The following SGK3 variants were observed in gnomAD, a reference collection of about 807,000 sequenced individuals.
The protein encoded by SGK3 is serum/glucocorticoid regulated kinase family member 3.
SGK3 carries 47 observed loss-of-function variants against 68.5 expected under a neutral mutation model. That is an observed-to-expected ratio of 0.69 (90% CI 0.54 to 0.87). The LOEUF (loss-of-function observed/expected upper bound fraction) is 0.87, where lower values mean the gene tolerates loss of function less well. Among genes scored for constraint, SGK3 ranks in the 40% least tolerant of loss-of-function variants. The pLI, the probability that SGK3 is intolerant of heterozygous loss-of-function variation, is 0.00. For synonymous variants in SGK3, 181 were observed against 189.1 expected (o/e 0.96, Z 0.35); for missense variants, 479 against 575.5 (o/e 0.83, Z 1.72).
At chr8:66,810,128 G>T (rs957895599) in intron 4 of SGK3, among the ~76,000 whole-genome samples, 2 of 151,998 alleles carry the variant, frequency 1.3e-5, no homozygotes, top group African/African-American at 2.4e-5. Context: ...GGAAATAAAA[G>T]AATTTATAGA....
intron 5 of SGK3, among the ~76,000 whole-genome samples, chr8:66,817,662 A>C (rs1008191844): frequency 6.6e-6 from 1 of 152,046 alleles, no homozygotes; most frequent in Non-Finnish European, 1.5e-5. Flanking sequence ...AAAAAAGCTA[A>C]TTTTTAAGAT....
At chr8:66,742,836 C>T (rs191973432) in intron 1 of SGK3, among the ~76,000 whole-genome samples, 1 of 152,124 alleles carries the variant, frequency 6.6e-6, no homozygotes, top group African/African-American at 2.4e-5. Flanking sequence ...AGTCTATGAC[C>T]TTTCATGGTT....
At chr8:66,816,917 G>A (rs921658574) in intron 5 of SGK3, among the ~76,000 whole-genome samples, 11 of 151,970 alleles carry the variant, frequency 7.2e-5, no homozygotes, top group Non-Finnish European at 1.2e-4. Flanking sequence ...TGCAACCTCC[G>A]CTCCCTGGGC....
chr8:66,859,583 C>T lies in SGK3; in HGVS notation c.*2C>T. 1 of 1,606,114 alleles carries T rather than the reference C, an allele frequency of 6.2e-7. No homozygotes were observed. The highest frequency in any genetic ancestry group is 8.5e-7 in the Non-Finnish European group (1 of 1,174,834). On this transcript the variant is annotated 3_prime_UTR_variant, in exon 17 of 17. Coordinates refer to ENST00000521198, the MANE Select transcript of SGK3 (RefSeq NM_001033578.3). ...CCTTCAGAAGACTTATTTTTGTGAG[C>T]AGTTTGCCATTCAGAAACCATTGAG...
At chr8:66,759,722 G>T (rs1806097815) in intron 1 of SGK3, among the ~76,000 whole-genome samples, 1 of 152,130 alleles carries the variant, frequency 6.6e-6, no homozygotes, top group African/African-American at 2.4e-5. Flanking sequence ...GAGTGCAGTG[G>T]TGTGATCTCA....
At chr8:66,737,490 C>G (rs188352874) in intron 1 of SGK3, 1 of 152,278 alleles carries the variant, frequency 6.6e-6, no homozygotes, top group Admixed American at 6.5e-5. Flanking sequence ...TGACTTTAGC[C>G]TATTGCCCTT....
chr8:66,826,169 C>T (rs1407385881), intron 6 of SGK3, among the ~76,000 whole-genome samples: 1 of 152,108 alleles, frequency 6.6e-6, no homozygotes, highest in Non-Finnish European at 1.5e-5. Context: ...GACGGGGTTT[C>T]ACCATATTGG....
At chr8:66,849,298 CCT>C (rs1480036302) in intron 15 of SGK3, among the ~76,000 whole-genome samples, 5 of 152,160 alleles carry the variant, frequency 3.3e-5, no homozygotes, top group African/African-American at 1.2e-4. Flanking sequence ...CTATTGTCCC[CCT>C]GTGCTCCCTT....
intron 1 of SGK3, among the ~76,000 whole-genome samples, chr8:66,752,399 T>G (rs73691576): frequency 0.017 from 2,599 of 152,186 alleles, 73 homozygotes; most frequent in African/African-American, 0.058. Context: ...TATGCTAGGT[T>G]CTAAGGATGT....
intron 1 of SGK3, among the ~76,000 whole-genome samples, chr8:66,777,527 A>G (rs1234324746): frequency 6.6e-6 from 1 of 152,158 alleles, no homozygotes; most frequent in Non-Finnish European, 1.5e-5. Flanking sequence ...TCTTGAGGCA[A>G]TGTTAATTCT....
At chr8:66,732,292 A>T (rs771596071) in intron 1 of SGK3, among the ~76,000 whole-genome samples, 24 of 152,312 alleles carry the variant, frequency 1.6e-4, no homozygotes, top group Non-Finnish European at 3.1e-4. Context: ...TGGACATTTT[A>T]GTGCCATCAA....
chr8:66,818,626 G>A (rs182451927), intron 5 of SGK3, among the ~76,000 whole-genome samples: 117 of 152,252 alleles, frequency 7.7e-4, no homozygotes, highest in African/African-American at 2.7e-3. Context: ...TAACAAAACA[G>A]ATTAGTGTGT....
At chr8:66,805,913 C>T (rs1808139782) in intron 4 of SGK3, among the ~76,000 whole-genome samples, 1 of 152,196 alleles carries the variant, frequency 6.6e-6, no homozygotes, top group Admixed American at 6.5e-5. Context: ...AGTGTGCTTT[C>T]TCTCTCCATC....
At chr8:66,738,456 A>ATGGC (rs1805386781) in intron 1 of SGK3, among the ~76,000 whole-genome samples, 1 of 152,184 alleles carries the variant, frequency 6.6e-6, no homozygotes, top group Admixed American at 6.5e-5. Flanking sequence ...GGTCCTTAGC[A>ATGGC]TGGCTCGTTA....
rs762048982 is a variant in SGK3, at chr8:66,859,478, G to A, written c.1388G>A (p.Cys463Tyr). ...FTEETVPYSV[C>Y]VSSDYSIVNA... ...GAAGAAACAGTTCCATATTCTGTGTGTGTATCTTCTGACTATTCTATAGTG... is the reference window on the plus strand; with the variant it reads ...GAAGAAACAGTTCCATATTCTGTGTATGTATCTTCTGACTATTCTATAGTG... Residue 463 changes from cysteine to tyrosine, a missense_variant, in exon 17 of 17, where the codon TGT (cysteine) becomes TAT (tyrosine). By Grantham distance (194) the Cys-to-Tyr change is radical. This residue lies in a region of SGK3 where 173 missense variants were observed against 214.3 expected (regional missense o/e 0.81). Coordinates refer to ENST00000521198, the MANE Select transcript of SGK3 (RefSeq NM_001033578.3). 1.9e-6 allele frequency: 3 copies of A among 1,613,630 alleles called. No individual in the cohort carries two copies. The highest frequency in any genetic ancestry group is 1.7e-6 in the Non-Finnish European group (2 of 1,179,664).
At position 66,774,716 on chromosome 8, in the gene SGK3, A is replaced by G. The variant is rs534582359; in HGVS notation, c.-121-18900A>G. ...GATTCTTACTGGGAGCCGACTCCCC[A>G]ATTTTTGAAGTAAAGGATGTGTGGT... On this transcript the variant is annotated intron_variant, in intron 1 of 16. Transcript: ENST00000521198. 2.0e-5 allele frequency among the ~76,000 whole-genome samples: 3 copies of G among 152,178 alleles called. No individual in the cohort carries two copies. In the East Asian group the frequency reaches 5.8e-4, roughly 30 times the overall value.
At chr8:66,833,408 T>C (rs898982248) in intron 8 of SGK3, among the ~76,000 whole-genome samples, 1 of 152,244 alleles carries the variant, frequency 6.6e-6, no homozygotes, top group Admixed American at 6.5e-5. Context: ...TACCACATTG[T>C]TGTGACACCT....
intron 1 of SGK3, among the ~76,000 whole-genome samples, chr8:66,748,557 C>T (rs1019178301): frequency 3.9e-5 from 6 of 152,086 alleles, no homozygotes; most frequent in South Asian, 2.1e-4. Flanking sequence ...CTGCTGTTAC[C>T]GACATCACCA....
chr8:66,752,503 A>C (rs73691578), intron 1 of SGK3, among the ~76,000 whole-genome samples: 19,579 of 152,040 alleles, frequency 0.13, 2,405 homozygotes, highest in African/African-American at 0.32. Flanking sequence ...CCCCCTATGT[A>C]GCAGAAGATG....
Sources: allele counts gnomAD v4.1 joint callset (sites outside exome capture counted in the v4.1 genomes callset), GRCh38; gene constraint gnomAD v4.1.1; regional missense constraint gnomAD v4.1.1; transcripts MANE v1.5; gene names NCBI Gene and HGNC (gene_info 2026-07-23, HGNC 2026-07-21).